SULT2B1: variants seen among roughly 807,000 people sequenced by gnomAD.
SULT2B1 encodes the protein sulfotransferase 2B1.
In SULT2B1, 16 loss-of-function variants were observed where a neutral mutation model predicts 33.2. That is an observed-to-expected ratio of 0.48 (90% CI 0.33 to 0.73). The LOEUF is 0.73. SULT2B1 is among the 30% of genes least tolerant of loss of function. The probability of loss-of-function intolerance (pLI) is 0.02; values close to 1 mark genes in which losing one functional copy is unlikely to be tolerated. For missense variants in SULT2B1, 500 were observed against 506.0 expected (o/e 0.99, Z 0.11); for synonymous variants, 186 against 200.5 (o/e 0.93, Z 0.61).
chr19:48,576,158 T>G, intron 2 of SULT2B1, 75 bp downstream of exon 2: 1 of 1,334,938 alleles, frequency 7.5e-7, no homozygotes, highest in Non-Finnish European at 1.0e-6. Flanking sequence ...GAAAGGCACA[T>G]AGAGAAGGAG....
At chr19:48,587,471 G>C (rs755522100) in intron 3 of SULT2B1, 34 bp downstream of exon 3, 2 of 1,610,230 alleles carry the variant, frequency 1.2e-6, no homozygotes, top group Non-Finnish European at 1.7e-6. Context: ...GTTGGGAGGG[G>C]CTGCATGGGT....
At position 48,578,698 on chromosome 19, in the gene SULT2B1, G is replaced by A. The variant is rs569925724; in HGVS notation, c.214+2615G>A. Among the ~76,000 whole-genome samples the A allele has an allele frequency of 3.9e-5, 6 of 152,034 alleles. No homozygotes were observed. The South Asian group carries it at 8.3e-4, about 21-fold the overall frequency. ...TCGAGACCAGTCTGGCCAACATGGT[G>A]AAACCCCGTGTCTACTAAAAATGCA... On this transcript the variant is annotated intron_variant, in intron 2 of 6. Transcript: ENST00000201586.
intron 1 of SULT2B1, among the ~76,000 whole-genome samples, chr19:48,554,153 G>T (rs1057135618): frequency 3.3e-5 from 5 of 152,030 alleles, no homozygotes; most frequent in Non-Finnish European, 5.9e-5. Flanking sequence ...CCCTGGGGGG[G>T]TGCCCTTAGG....
At chr19:48,555,549 CCTCTCTCTCTCTCTCTCTCTCTCT>C (rs142655043) in intron 1 of SULT2B1, among the ~76,000 whole-genome samples, 5 of 124,114 alleles carry the variant, frequency 4.0e-5, no homozygotes, top group Non-Finnish European at 1.6e-5. Context: ...CCAGAGACAT[CCTCTCTCTCTCTCTCTCTCTCTCT>C]CTCTCTCTCT....
chr19:48,581,890 ATATTATTATTAT>A (rs71335807), intron 2 of SULT2B1, among the ~76,000 whole-genome samples: 14 of 137,736 alleles, frequency 1.0e-4, no homozygotes, highest in African/African-American at 1.6e-4. Flanking sequence ...TATTATTATT[ATATTATTATTAT>A]TATTATTATT....
intron 1 of SULT2B1, among the ~76,000 whole-genome samples, chr19:48,569,453 CATCT>C (rs367995660): frequency 2.8e-4 from 5 of 17,868 alleles, no homozygotes; most frequent in African/African-American, 2.0e-3. Context: ...GATTCAGTGA[CATCT>C]ATCTGTAATC....
At chr19:48,571,641 G>A (rs2246836) in intron 1 of SULT2B1, among the ~76,000 whole-genome samples, 94,114 of 147,932 alleles carry the variant, frequency 0.64, 29,866 homozygotes, top group African/African-American at 0.72. Context: ...AATAACAAAA[G>A]AAAAAAACAC....
intron 1 of SULT2B1, among the ~76,000 whole-genome samples, chr19:48,564,755 T>C (rs530393303): frequency 2.6e-5 from 4 of 152,122 alleles, no homozygotes; most frequent in Non-Finnish European, 4.4e-5. Flanking sequence ...CACAGATCTT[T>C]GCATCCCTCT....
chr19:48,595,376 C>T (rs987762558), intron 5 of SULT2B1, among the ~76,000 whole-genome samples: 20 of 152,150 alleles, frequency 1.3e-4, no homozygotes, highest in African/African-American at 4.6e-4. Context: ...GTGTCTCTCC[C>T]TCTCTGGGCC....
chr19:48,580,803 A>G (rs1351267450), intron 2 of SULT2B1, among the ~76,000 whole-genome samples: 1 of 149,658 alleles, frequency 6.7e-6, no homozygotes, highest in African/African-American at 2.5e-5. Context: ...TGTAGCGATA[A>G]GGGTCTCTGG....
At chr19:48,594,012 AC>A (rs2147628348) in intron 5 of SULT2B1, among the ~76,000 whole-genome samples, 1 of 151,916 alleles carries the variant, frequency 6.6e-6, no homozygotes, top group South Asian at 2.1e-4. Flanking sequence ...TAATCCCAAC[AC>A]TTTGGGAGGC....
intron 1 of SULT2B1, among the ~76,000 whole-genome samples, chr19:48,571,060 C>G (rs1973319838): frequency 6.6e-6 from 1 of 151,844 alleles, no homozygotes; most frequent in Admixed American, 6.6e-5. Flanking sequence ...TGCTTTGTCA[C>G]CCAGGCTGGA....
chr19:48,571,333 A>T (rs1452305119), intron 1 of SULT2B1, among the ~76,000 whole-genome samples: 1 of 151,664 alleles, frequency 6.6e-6, no homozygotes, highest in African/African-American at 2.4e-5. Context: ...AGTAGCTGAG[A>T]TTACAGGCGC....
chr19:48,577,028 ATTTTTTT>A (rs71179012), intron 2 of SULT2B1, among the ~76,000 whole-genome samples: 70 of 92,932 alleles, frequency 7.5e-4, no homozygotes, highest in African/African-American at 1.0e-3. Flanking sequence ...ACCCCCCTCT[ATTTTTTT>A]TTTTTTTTTT....
intron 1 of SULT2B1, among the ~76,000 whole-genome samples, chr19:48,558,679 CTTT>C (rs869189397): frequency 0.2 from 20,976 of 105,070 alleles, 1,604 homozygotes; most frequent in East Asian, 0.37. Flanking sequence ...CTTTTCTTTT[CTTT>C]TTTTTTTTTT....
intron 1 of SULT2B1, among the ~76,000 whole-genome samples, chr19:48,557,052 C>A (rs550064617): frequency 6.6e-6 from 1 of 151,904 alleles, no homozygotes; most frequent in African/African-American, 2.4e-5. Flanking sequence ...GAGTTCAAGA[C>A]CAGACTGGAC....
intron 1 of SULT2B1, among the ~76,000 whole-genome samples, chr19:48,574,746 G>A (rs531778691): frequency 3.9e-5 from 6 of 152,200 alleles, no homozygotes; most frequent in Non-Finnish European, 7.3e-5. Flanking sequence ...GGCACAGAAA[G>A]GACAAGTAGG....
chr19:48,557,897 C>T (rs984213523), intron 1 of SULT2B1, among the ~76,000 whole-genome samples: 26 of 151,824 alleles, frequency 1.7e-4, no homozygotes, highest in Admixed American at 1.4e-3. Context: ...CCAGCCTGGG[C>T]AACAAGAGTG....
intron 2 of SULT2B1, among the ~76,000 whole-genome samples, chr19:48,585,837 G>T (rs1398718587): frequency 1.3e-5 from 2 of 152,114 alleles, no homozygotes; most frequent in African/African-American, 4.8e-5. Flanking sequence ...AATAAAAAAA[G>T]GGGTGACCCT....
Sources: gnomAD v4.1 joint callset for allele counts (sites outside exome capture counted in the v4.1 genomes callset) on GRCh38, gnomAD v4.1.1 for gene constraint, MANE v1.5 for transcripts, NCBI Gene and HGNC (gene_info 2026-07-23, HGNC 2026-07-21) for gene names.